The following SLC39A8 variants were observed in gnomAD, a reference collection of about 807,000 sequenced individuals.
SLC39A8 encodes the protein metal cation symporter ZIP8.
SLC39A8 carries 15 observed loss-of-function variants against 40.4 expected under a neutral mutation model. The observed-to-expected ratio is 0.37, with a 90% CI of 0.25 to 0.57. SLC39A8 has a LOEUF of 0.57. Among genes scored for constraint, SLC39A8 ranks in the 20% least tolerant of loss-of-function variants. The pLI, the probability that SLC39A8 is intolerant of heterozygous loss-of-function variation, is 0.75. For synonymous variants in SLC39A8, 223 were observed against 221.6 expected, an observed-to-expected ratio of 1.01 and a Z score of -0.06; for missense variants, 472 against 558.8, an observed-to-expected ratio of 0.84 and a Z score of 1.57.
At chr4:102,319,669 G>A (rs1344471639) in intron 2 of SLC39A8, among the ~76,000 whole-genome samples, 1 of 151,762 alleles carries the variant, frequency 6.6e-6, no homozygotes, top group Non-Finnish European at 1.5e-5. Flanking sequence ...ATCCCTACTT[G>A]TCCATGTTGT....
At chr4:102,270,212 G>A (rs1732286762) in intron 6 of SLC39A8, among the ~76,000 whole-genome samples, 3 of 120,400 alleles carry the variant, frequency 2.5e-5, no homozygotes, top group African/African-American at 8.9e-5. Flanking sequence ...TTGACTACCT[G>A]ATATCACTAC....
At chr4:102,316,807 T>C (rs951623748) in intron 2 of SLC39A8, among the ~76,000 whole-genome samples, 1 of 152,160 alleles carries the variant, frequency 6.6e-6, no homozygotes, top group Non-Finnish European at 1.5e-5. Flanking sequence ...AGTGTGATGG[T>C]ATTTGGAGAT....
intron 6 of SLC39A8, among the ~76,000 whole-genome samples, chr4:102,279,204 G>T (rs1034437073): frequency 6.6e-5 from 10 of 151,926 alleles, no homozygotes; most frequent in African/African-American, 2.4e-4. Flanking sequence ...TGATGAGTTT[G>T]ATGGCCCTAC....
At chr4:102,299,534 A>T (rs1264793306) in intron 6 of SLC39A8, among the ~76,000 whole-genome samples, 1 of 151,974 alleles carries the variant, frequency 6.6e-6, no homozygotes, top group Non-Finnish European at 1.5e-5. Flanking sequence ...TGAATGAATT[A>T]TGTGTATTTA....
At chr4:102,304,584 T>C in intron 5 of SLC39A8, 103 bp from the exon 6 acceptor site, 1 of 898,638 alleles carries the variant, frequency 1.1e-6, no homozygotes, top group Non-Finnish European at 1.7e-6. Flanking sequence ...AGGAAAATTG[T>C]ATGTCTATTC....
intron 2 of SLC39A8, among the ~76,000 whole-genome samples, chr4:102,323,952 G>C (rs1382956053): frequency 1.3e-5 from 2 of 152,166 alleles, no homozygotes; most frequent in Non-Finnish European, 2.9e-5. Context: ...ATCCCACTCA[G>C]AGACAGACTT....
At chr4:102,255,836 T>C (rs1038214721) in intron 11 of SLC39A8, among the ~76,000 whole-genome samples, 5 of 152,220 alleles carry the variant, frequency 3.3e-5, no homozygotes, top group African/African-American at 7.2e-5. Flanking sequence ...TCCTAACTTA[T>C]ACAATGTCAT....
At chr4:102,329,051 A>G (rs1446114573) in intron 2 of SLC39A8, among the ~76,000 whole-genome samples, 1 of 151,706 alleles carries the variant, frequency 6.6e-6, no homozygotes, top group Admixed American at 6.6e-5. Context: ...AAAGACATAT[A>G]TAACTGTAGC....
At chr4:102,253,443 G>C in intron 11 of SLC39A8, 1 of 715,352 alleles carries the variant, frequency 1.4e-6, no homozygotes, top group South Asian at 1.5e-5. Flanking sequence ...GACAGACAAA[G>C]AGAAGGAACA....
At chr4:102,301,626 A>T (rs891095707) in intron 6 of SLC39A8, among the ~76,000 whole-genome samples, 7 of 152,082 alleles carry the variant, frequency 4.6e-5, no homozygotes, top group African/African-American at 1.7e-4. Flanking sequence ...TAAGTAAATG[A>T]AAGCATTACT....
chr4:102,333,028 C>T (rs1454198165), intron 2 of SLC39A8, among the ~76,000 whole-genome samples: 1 of 151,954 alleles, frequency 6.6e-6, no homozygotes, highest in South Asian at 2.1e-4. Flanking sequence ...GGCTGCGGGG[C>T]TAGGGGAGGT....
chr4:102,329,122 A>T (rs919817128), intron 2 of SLC39A8, among the ~76,000 whole-genome samples: 1 of 152,140 alleles, frequency 6.6e-6, no homozygotes, highest in African/African-American at 2.4e-5. Flanking sequence ...GTATTAGCCA[A>T]CTCTGAAGTA....
chr4:102,302,182 T>C (rs907127683), intron 6 of SLC39A8, among the ~76,000 whole-genome samples: 12 of 152,062 alleles, frequency 7.9e-5, no homozygotes, highest in African/African-American at 2.7e-4. Context: ...TGCCTAAAGT[T>C]ATCTTGTTAA....
intron 11 of SLC39A8, among the ~76,000 whole-genome samples, chr4:102,254,345 A>G (rs2148997985): frequency 6.6e-6 from 1 of 152,328 alleles, no homozygotes; most frequent in East Asian, 1.9e-4. Flanking sequence ...TAGACATTGA[A>G]TATGTGTTTT....
At chr4:102,255,018 C>A (rs548166740) in intron 11 of SLC39A8, among the ~76,000 whole-genome samples, 1 of 152,112 alleles carries the variant, frequency 6.6e-6, no homozygotes, top group Admixed American at 6.5e-5. Context: ...TCTATGTATT[C>A]CAAAGTGAAA....
chr4:102,255,141 A>G (rs1417179406), intron 11 of SLC39A8, among the ~76,000 whole-genome samples: 1 of 152,230 alleles, frequency 6.6e-6, no homozygotes, highest in Non-Finnish European at 1.5e-5. Flanking sequence ...TGACATTGAT[A>G]GTGAAGTTCC....
At chr4:102,256,201 G>A (rs192143714) in intron 11 of SLC39A8, among the ~76,000 whole-genome samples, 12 of 152,250 alleles carry the variant, frequency 7.9e-5, no homozygotes, top group Admixed American at 6.5e-4. Context: ...CTGTGAATGG[G>A]TGGAACGTCT....
intron 6 of SLC39A8, among the ~76,000 whole-genome samples, chr4:102,271,310 C>A (rs1362710376): frequency 1.3e-5 from 2 of 152,148 alleles, no homozygotes; most frequent in Non-Finnish European, 2.9e-5. Context: ...GAATCTAATT[C>A]TATTCCACTA....
chr4:102,267,973 A>C lies in SLC39A8; in HGVS notation c.947T>G (p.Phe316Cys), dbSNP rs776814655. Reference protein sequence around the residue: ...MITLCDALHNFIDGLAIGASC... With the variant: ...MITLCDALHNCIDGLAIGASC... ...AGCCCCAATCGCCAGGCCATCGATGAAATTGTGGAGGGCATCGCAGAGCGT... is the reference window on the plus strand; with the variant it reads ...AGCCCCAATCGCCAGGCCATCGATGCAATTGTGGAGGGCATCGCAGAGCGT... Residue 316 changes from phenylalanine to cysteine, a missense_variant, in exon 7 of 9, where the codon TTC becomes TGC. By Grantham distance (205) the Phe-to-Cys change is radical (BLOSUM62 -2). This residue lies in a region of SLC39A8 where 239 missense variants were observed against 317.9 expected (regional missense o/e 0.75). Coordinates refer to ENST00000356736, the MANE Select transcript of SLC39A8 (RefSeq NM_001135146.2). 2.5e-6 allele frequency: 4 copies of C among 1,614,092 alleles called. No individual in the cohort carries two copies. The African/African-American group carries it at 5.3e-5, about 22-fold the overall frequency.
Sources: gnomAD v4.1 joint callset for allele counts (sites outside exome capture counted in the v4.1 genomes callset) on GRCh38, gnomAD v4.1.1 for gene constraint, gnomAD v4.1.1 regional missense constraint, MANE v1.5 for transcripts, NCBI Gene and HGNC (gene_info 2026-07-23, HGNC 2026-07-21) for gene names.